The following ZNF407 variants were observed in gnomAD, a reference collection of about 807,000 sequenced individuals.
The protein encoded by ZNF407 is zinc finger protein 407.
Under a neutral mutation model 131.2 loss-of-function variants are expected in ZNF407, and 17 were observed. That is an observed-to-expected ratio of 0.13 (90% CI 0.09 to 0.19). The LOEUF (loss-of-function observed/expected upper bound fraction) is 0.19, where lower values mean the gene tolerates loss of function less well. ZNF407 is among the 10% of genes least tolerant of loss of function. The pLI is 1.00. For missense variants in ZNF407, 2,681 were observed against 2,830.6 expected (o/e 0.95, Z 1.20); for synonymous variants, 1,156 against 1,062.0 (o/e 1.09, Z -1.72).
intron 3 of ZNF407, among the ~76,000 whole-genome samples, chr18:74,757,605 A>G (rs928331757): frequency 2.6e-5 from 4 of 152,050 alleles, no homozygotes; most frequent in Admixed American, 2.6e-4. Context: ...TTCTCTGGGC[A>G]TTTGAGGTTG....
At chr18:74,731,131 T>G (rs1968284644) in intron 3 of ZNF407, among the ~76,000 whole-genome samples, 2 of 152,330 alleles carry the variant, frequency 1.3e-5, no homozygotes, top group Admixed American at 1.3e-4. Flanking sequence ...CTCTGTAGGC[T>G]CTCCTGTGTT....
At chr18:74,601,495 G>T (rs1022114319) in intron 1 of ZNF407, among the ~76,000 whole-genome samples, 1 of 152,096 alleles carries the variant, frequency 6.6e-6, no homozygotes, top group Non-Finnish European at 1.5e-5. Context: ...AGCCAAGGCT[G>T]GGTAATATAC....
At chr18:74,638,458 A>G (rs1221589516) in intron 2 of ZNF407, among the ~76,000 whole-genome samples, 1 of 152,228 alleles carries the variant, frequency 6.6e-6, no homozygotes, top group Non-Finnish European at 1.5e-5. Context: ...GGTAATATAC[A>G]ACTTCCTTCA....
intron 8 of ZNF407, among the ~76,000 whole-genome samples, chr18:74,980,839 C>T (rs1972584044): frequency 6.6e-6 from 1 of 152,152 alleles, no homozygotes; most frequent in Admixed American, 6.5e-5. Context: ...AGCACCAGTC[C>T]TGCCATCACC....
At chr18:74,899,544 T>C (rs1373522233) in intron 7 of ZNF407, among the ~76,000 whole-genome samples, 1 of 152,222 alleles carries the variant, frequency 6.6e-6, no homozygotes, top group Non-Finnish European at 1.5e-5. Flanking sequence ...GCCCATGTGA[T>C]GTCCAAATGA....
chr18:74,720,941 T>G (rs1015880188), intron 3 of ZNF407, among the ~76,000 whole-genome samples: 1 of 146,106 alleles, frequency 6.8e-6, no homozygotes, highest in Non-Finnish European at 1.5e-5. Flanking sequence ...TTTTTTTTTC[T>G]TTTTCTTTTT....
intron 7 of ZNF407, chr18:74,905,849 C>T (rs577459971): frequency 6.6e-6 from 1 of 152,228 alleles, no homozygotes; most frequent in African/African-American, 2.4e-5. Flanking sequence ...AGAAACTCTC[C>T]AACTAAAATT....
At position 74,634,796 on chromosome 18, in the gene ZNF407, G is replaced by A. The variant is rs759669670; in HGVS notation, c.3777G>A (p.Ser1259=). 30 of 1,613,994 alleles carry A rather than the reference G, an allele frequency of 1.9e-5. 1 individual carries two copies. Among genetic ancestry groups the A allele is most frequent in the South Asian group, 1.3e-4 (12 of 91,076 alleles). Residue 1259 remains serine (S), a synonymous_variant, in exon 2 of 9, where the codon TCG becomes TCA. Coordinates refer to ENST00000299687, the MANE Select transcript of ZNF407 (RefSeq NM_017757.3). ...LCPVTLDGER[S]AESPVLVVTR... ...CTGTGACGCTCGATGGGGAGCGCTC[G>A]GCTGAAAGCCCTGTGCTCGTTGTGA... is the stretch of plus-strand genomic sequence containing the variant.
At position 74,620,746 on chromosome 18, in the gene ZNF407, C is replaced by T. The variant is rs935500610; in HGVS notation, c.-53-10221C>T. The stretch of plus-strand genomic sequence containing the variant: ...GGTGGGACTTGCTCAGGTCCACATC[C>T]GATGACCAGAGGCCCCTAAGCTTGA... On this transcript the variant is annotated intron_variant, in intron 1 of 8. Transcript: ENST00000299687. 2.3e-4 allele frequency among the ~76,000 whole-genome samples: 35 copies of T among 152,188 alleles called. No individual in the cohort carries two copies. In the Middle Eastern group the frequency reaches 0.017, roughly 74 times the overall value.
At chr18:74,704,352 A>G (rs1458045347) in intron 3 of ZNF407, among the ~76,000 whole-genome samples, 1 of 152,170 alleles carries the variant, frequency 6.6e-6, no homozygotes, top group Non-Finnish European at 1.5e-5. Flanking sequence ...ACTTCACTCA[A>G]TCAGGACGTG....
intron 6 of ZNF407, among the ~76,000 whole-genome samples, chr18:74,881,867 A>G (rs1398995846): frequency 2.0e-5 from 3 of 152,224 alleles, no homozygotes; most frequent in Non-Finnish European, 2.9e-5. Context: ...AAAGCAGTTT[A>G]TTGGACTTAA....
chr18:74,977,274 C>G (rs1414922139), intron 8 of ZNF407, among the ~76,000 whole-genome samples: 1 of 152,240 alleles, frequency 6.6e-6, no homozygotes, highest in East Asian at 1.9e-4. Context: ...ATGCCTTCCT[C>G]TTACCTCAGC....
intron 7 of ZNF407, among the ~76,000 whole-genome samples, chr18:74,904,266 A>C (rs1442178967): frequency 1.3e-5 from 2 of 152,260 alleles, no homozygotes; most frequent in Non-Finnish European, 2.9e-5. Flanking sequence ...TGAGGATATC[A>C]GAGGAAAATC....
intron 4 of ZNF407, among the ~76,000 whole-genome samples, chr18:74,876,234 C>T (rs924966830): frequency 1.3e-5 from 2 of 152,218 alleles, no homozygotes; most frequent in Admixed American, 6.5e-5. Context: ...TTGCCAGACA[C>T]TATCTTTGTG....
chr18:74,911,000 TATG>T (rs980150491), intron 7 of ZNF407, among the ~76,000 whole-genome samples: 13 of 152,218 alleles, frequency 8.5e-5, no homozygotes, highest in African/African-American at 3.1e-4. Flanking sequence ...AGAATTGTAA[TATG>T]TGTGTGTTAC....
At chr18:74,988,702 C>T (rs1420213051) in intron 8 of ZNF407, among the ~76,000 whole-genome samples, 2 of 151,824 alleles carry the variant, frequency 1.3e-5, no homozygotes, top group African/African-American at 4.8e-5. Flanking sequence ...GTGCAAGTGG[C>T]CAGTAAGTAG....
chr18:75,038,150 G>A lies in ZNF407; in HGVS notation c.5429-25000G>A, dbSNP rs186786624. ...ATGGGATAAAACATAAAGCTTTGTG[G>A]GTTTATCAGCTAAGCTGTTAGCACA... On this transcript the variant is annotated intron_variant, in intron 8 of 8. Transcript: ENST00000299687. Among the ~76,000 whole-genome samples, 204 of 152,254 alleles carry A rather than the reference G, an allele frequency of 1.3e-3. 1 individual carries two copies. Among genetic ancestry groups the A allele is most frequent in the African/African-American group, 4.8e-3 (198 of 41,540 alleles).
At chr18:74,946,943 A>T (rs1220061712) in intron 8 of ZNF407, among the ~76,000 whole-genome samples, 2 of 152,188 alleles carry the variant, frequency 1.3e-5, no homozygotes, top group African/African-American at 4.8e-5. Context: ...TAATACTATT[A>T]GAGTTCTCAA....
chr18:74,681,506 G>T (rs181568797), intron 3 of ZNF407, among the ~76,000 whole-genome samples: 1 of 152,126 alleles, frequency 6.6e-6, no homozygotes, highest in Admixed American at 6.5e-5. Context: ...GCCTTCCAAG[G>T]TGCTGGGATT....
Sources: gnomAD v4.1 joint callset for allele counts (sites outside exome capture counted in the v4.1 genomes callset) on GRCh38, gnomAD v4.1.1 for gene constraint, MANE v1.5 for transcripts, NCBI Gene and HGNC (gene_info 2026-07-23, HGNC 2026-07-21) for gene names.